Variants in ATP11C observed in about 807,000 individuals in gnomAD.
The protein encoded by ATP11C is ATPase phospholipid transporting 11C (ATP11C blood group).
In ATP11C, 36 loss-of-function variants were observed where a neutral mutation model predicts 97.4. The ratio of observed to expected loss-of-function variants is 0.37; its 90% CI spans 0.28 to 0.49. The LOEUF (loss-of-function observed/expected upper bound fraction) is 0.49, where lower values mean the gene tolerates loss of function less well. Ranked by LOEUF, ATP11C falls within the 20% of genes least tolerant of loss-of-function variation. The pLI is 0.98. For synonymous variants in ATP11C, 275 were observed against 290.9 expected (o/e 0.95, Z 0.56); for missense variants, 730 against 824.6 (o/e 0.89, Z 1.40).
intron 22 of ATP11C, among the ~76,000 whole-genome samples, chrX:139,759,512 G>A (rs1413810750): frequency 2.7e-5 from 3 of 111,269 alleles, no homozygotes; most frequent in Non-Finnish European, 1.9e-5. Flanking sequence ...GGGACAAGTT[G>A]AAAAGTGGCA....
At chrX:139,809,147 A>C (rs2497275) in intron 5 of ATP11C, among the ~76,000 whole-genome samples, 7,750 of 110,793 alleles carry the variant, frequency 0.07, 686 homozygotes, top group African/African-American at 0.24. Context: ...AAAGATAATT[A>C]CAACCTAGTA....
At chrX:139,748,303 C>A (rs1480631852) in intron 24 of ATP11C, among the ~76,000 whole-genome samples, 2 of 109,460 alleles carry the variant, frequency 1.8e-5, no homozygotes, top group African/African-American at 6.7e-5. Context: ...TGGGTAAGGT[C>A]ACCTGGTAAG....
intron 1 of ATP11C, among the ~76,000 whole-genome samples, chrX:139,913,860 A>G (rs967945286): frequency 9.0e-6 from 1 of 111,705 alleles, no homozygotes; most frequent in Non-Finnish European, 1.9e-5. Context: ...GTACTTCCTA[A>G]AATTTGTCAA....
chrX:139,850,192 G>A (rs1314230283), intron 1 of ATP11C, among the ~76,000 whole-genome samples: 1 of 111,136 alleles, frequency 9.0e-6, no homozygotes, highest in Admixed American at 9.6e-5. Flanking sequence ...ACCTGGAAGA[G>A]CAGATTAGAA....
intron 26 of ATP11C, 53 bp downstream of exon 26, chrX:139,743,503 CAAG>C: frequency 1.2e-6 from 1 of 816,312 alleles, no homozygotes; most frequent in Non-Finnish European, 1.8e-6. Flanking sequence ...TAGGATAAGA[CAAG>C]AAAGTATTAT....
intron 1 of ATP11C, among the ~76,000 whole-genome samples, chrX:139,918,898 T>C (rs2085202731): frequency 9.0e-6 from 1 of 111,073 alleles, no homozygotes; most frequent in Non-Finnish European, 1.9e-5. Flanking sequence ...CACTACTCTA[T>C]GCTTTAAAGA....
intron 18 of ATP11C, among the ~76,000 whole-genome samples, chrX:139,777,741 GA>G (rs753599652): frequency 1.9e-5 from 2 of 105,581 alleles, no homozygotes; most frequent in African/African-American, 6.9e-5. Flanking sequence ...AGGTTAACAA[GA>G]AAAAAAAAAT....
intron 1 of ATP11C, among the ~76,000 whole-genome samples, chrX:139,850,465 G>A (rs1348517483): frequency 1.8e-5 from 2 of 111,852 alleles, no homozygotes; most frequent in Non-Finnish European, 3.8e-5. Context: ...ATGACCTAGG[G>A]CAGGATTTAA....
intron 1 of ATP11C, among the ~76,000 whole-genome samples, chrX:139,906,635 AG>A (rs769878876): frequency 9.2e-6 from 1 of 108,469 alleles, no homozygotes; most frequent in Non-Finnish European, 1.9e-5. Context: ...TACAAAAATT[AG>A]CCCGGTGCCG....
intron 1 of ATP11C, among the ~76,000 whole-genome samples, chrX:139,910,947 A>T (rs778887410): frequency 1.8e-5 from 2 of 111,974 alleles, no homozygotes; most frequent in South Asian, 7.5e-4. Context: ...TATGTTAAGG[A>T]ACATCTAGTT....
chrX:139,823,014 C>T (rs1339453095), intron 2 of ATP11C, among the ~76,000 whole-genome samples: 2 of 109,951 alleles, frequency 1.8e-5, no homozygotes, highest in East Asian at 3.0e-4. Context: ...GTCCGGAGTT[C>T]GAGACCAGCC....
chrX:139,883,599 G>A (rs2084593744), intron 1 of ATP11C, among the ~76,000 whole-genome samples: 1 of 111,076 alleles, frequency 9.0e-6, no homozygotes, highest in African/African-American at 3.3e-5. Context: ...TTCTGAATAT[G>A]GACTCACTGT....
At chrX:139,864,479 T>A (rs1023470870) in intron 1 of ATP11C, among the ~76,000 whole-genome samples, 4 of 112,316 alleles carry the variant, frequency 3.6e-5, no homozygotes, top group African/African-American at 1.3e-4. Context: ...AGATTTTAGA[T>A]CAAAACACTG....
At position 139,742,899 on chromosome X, in the gene ATP11C, A is replaced by T. The variant is rs1195017777; in HGVS notation, c.3030+660T>A. ...AAAATATATATATATATATATATATATATATATATATATAAAAATAGAGAC... is the reference window on the plus strand; with the variant it reads ...AAAATATATATATATATATATATATTTATATATATATATAAAAATAGAGAC... On this transcript the variant is annotated intron_variant, in intron 26 of 29. Coordinates refer to ENST00000682941, the MANE Select transcript of ATP11C (RefSeq NM_001353812.2). 7.2e-5 allele frequency among the ~76,000 whole-genome samples: 7 copies of T among 97,284 alleles called. No homozygotes were observed. In the East Asian group the frequency reaches 2.3e-3, roughly 32 times the overall value. 84.5% of individuals were successfully genotyped at this position (97,284 alleles called of 115,157 possible).
chrX:139,768,232 T>A, intron 20 of ATP11C, 28 bp downstream of exon 20: 4 of 1,017,526 alleles, frequency 3.9e-6, no homozygotes, highest in South Asian at 3.7e-5. Context: ...GTATCCAGAA[T>A]GGAACGTTAA....
intron 15 of ATP11C, among the ~76,000 whole-genome samples, chrX:139,786,769 T>A (rs1313707038): frequency 8.9e-6 from 1 of 112,419 alleles, no homozygotes; most frequent in Non-Finnish European, 1.9e-5. Flanking sequence ...CAAACAAGGC[T>A]TCTGGTTTAC....
intron 1 of ATP11C, among the ~76,000 whole-genome samples, chrX:139,896,546 T>TACACAC (rs61153084): frequency 1.1e-3 from 89 of 79,807 alleles, no homozygotes; most frequent in South Asian, 1.7e-3. Flanking sequence ...GTTAATTTTA[T>TACACAC]ACACACACAC....
At chrX:139,811,154 T>A (rs968281203) in intron 5 of ATP11C, among the ~76,000 whole-genome samples, 3 of 111,428 alleles carry the variant, frequency 2.7e-5, no homozygotes, top group African/African-American at 9.8e-5. Context: ...TAGTTTCTGA[T>A]ATTTCGGACG....
intron 1 of ATP11C, among the ~76,000 whole-genome samples, chrX:139,848,887 T>C (rs1186219152): frequency 8.9e-6 from 1 of 112,310 alleles, no homozygotes; most frequent in African/African-American, 3.2e-5. Context: ...CATTCCTGCA[T>C]GTAGGAGGCT....
Sources: gnomAD v4.1 joint callset for allele counts (sites outside exome capture counted in the v4.1 genomes callset) on GRCh38, gnomAD v4.1.1 for gene constraint, MANE v1.5 for transcripts, NCBI Gene and HGNC (gene_info 2026-07-23, HGNC 2026-07-21) for gene names.